DNAJC1: variants seen among roughly 807,000 people sequenced by gnomAD.
DNAJC1 encodes dnaJ homolog subfamily C member 1.
In DNAJC1, 58 loss-of-function variants were observed where a neutral mutation model predicts 76.6. That is an observed-to-expected ratio of 0.76 (90% CI 0.61 to 0.94). The LOEUF (loss-of-function observed/expected upper bound fraction) is 0.94. Among genes scored for constraint, DNAJC1 ranks in the 40% least tolerant of loss-of-function variants. The probability of loss-of-function intolerance (pLI) is 0.00; values close to 1 mark genes in which losing one functional copy is unlikely to be tolerated. For missense variants in DNAJC1, 689 were observed against 677.3 expected (o/e 1.02, Z -0.19); for synonymous variants, 258 against 267.9 (o/e 0.96, Z 0.36).
chr10:21,799,216 A>G (rs1446116005), intron 9 of DNAJC1, among the ~76,000 whole-genome samples: 1 of 152,198 alleles, frequency 6.6e-6, no homozygotes, highest in Non-Finnish European at 1.5e-5. Context: ...TCTGTAGTAT[A>G]ATTAAATTTA....
chr10:21,901,962 T>G (rs1836662646), intron 7 of DNAJC1, among the ~76,000 whole-genome samples: 1 of 152,210 alleles, frequency 6.6e-6, no homozygotes. Flanking sequence ...TTAATAAAAT[T>G]AATTAAAATA....
At chr10:21,975,390 G>A (rs1308792408) in intron 1 of DNAJC1, among the ~76,000 whole-genome samples, 1 of 152,154 alleles carries the variant, frequency 6.6e-6, no homozygotes, top group Non-Finnish European at 1.5e-5. Flanking sequence ...GGAATTATTA[G>A]GGAGGTATAT....
intron 8 of DNAJC1, among the ~76,000 whole-genome samples, chr10:21,859,874 C>G (rs1210128812): frequency 6.6e-6 from 1 of 152,042 alleles, no homozygotes; most frequent in Non-Finnish European, 1.5e-5. Flanking sequence ...ACTTCCACCT[C>G]CCGGGTTCAA....
chr10:21,919,459 T>C (rs767173420), intron 5 of DNAJC1, among the ~76,000 whole-genome samples: 25 of 151,992 alleles, frequency 1.6e-4, no homozygotes, highest in Non-Finnish European at 1.2e-4. Flanking sequence ...TATGAATCAA[T>C]AGAAGAAATG....
chr10:21,865,918 T>A (rs917461541), intron 8 of DNAJC1: 3 of 151,956 alleles, frequency 2.0e-5, no homozygotes, highest in Admixed American at 6.6e-5. Flanking sequence ...ATGGATCACC[T>A]GAGGTCAGGA....
chr10:21,776,959 G>A (rs911021967), intron 9 of DNAJC1, among the ~76,000 whole-genome samples: 2 of 152,052 alleles, frequency 1.3e-5, no homozygotes, highest in African/African-American at 4.8e-5. Context: ...ACACAAGGAG[G>A]CAATTTTAAA....
chr10:21,909,862 C>G (rs1293285130), intron 6 of DNAJC1, among the ~76,000 whole-genome samples: 2 of 152,184 alleles, frequency 1.3e-5, no homozygotes, highest in African/African-American at 4.8e-5. Flanking sequence ...GTTAGGTAGA[C>G]CAGAATGCCC....
intron 7 of DNAJC1, among the ~76,000 whole-genome samples, chr10:21,885,918 G>T (rs534449702): frequency 7.1e-4 from 108 of 151,932 alleles, no homozygotes; most frequent in African/African-American, 2.0e-3. Flanking sequence ...ACATCACAAC[G>T]GAAAGAATTA....
intron 1 of DNAJC1, among the ~76,000 whole-genome samples, chr10:21,997,907 T>G (rs1838445304): frequency 6.6e-6 from 1 of 152,180 alleles, no homozygotes; most frequent in Non-Finnish European, 1.5e-5. Flanking sequence ...TAGAAGTCTG[T>G]AATGACTGAC....
At chr10:21,904,387 G>C (rs1438127369) in intron 7 of DNAJC1, 135 bp downstream of exon 7, 27 of 487,654 alleles carry the variant, frequency 5.5e-5, no homozygotes, top group Non-Finnish European at 9.4e-5. Flanking sequence ...TTAAGTACAA[G>C]TGACTCCACT....
chr10:21,868,031 G>A (rs1243739483), intron 8 of DNAJC1, among the ~76,000 whole-genome samples: 2 of 124,898 alleles, frequency 1.6e-5, no homozygotes, highest in African/African-American at 6.1e-5. Context: ...TGAGAAGATC[G>A]CGCCACTGCA....
intron 8 of DNAJC1, among the ~76,000 whole-genome samples, chr10:21,849,857 A>G (rs1364222703): frequency 2.6e-5 from 4 of 151,186 alleles, no homozygotes; most frequent in Non-Finnish European, 4.4e-5. Flanking sequence ...GATAAAAGGG[A>G]AAAAAAAACC....
intron 6 of DNAJC1, among the ~76,000 whole-genome samples, chr10:21,911,249 G>A (rs2131755366): frequency 6.6e-6 from 1 of 152,136 alleles, no homozygotes; most frequent in Admixed American, 6.5e-5. Context: ...TTCATTGTTT[G>A]ATAGCCCAAA....
At position 21,904,585 on chromosome 10, in the gene DNAJC1, T is replaced by C; in HGVS notation, c.757A>G (p.Lys253Glu). The change falls in exon 7 of 12, where the codon AAA (lysine) becomes GAA (glutamate). Residue 253 changes from lysine to glutamate, a missense_variant. Coordinates refer to ENST00000376980, the MANE Select transcript of DNAJC1 (RefSeq NM_022365.4). ...TCCTTTTCCTTCAATCTTGTTTCTT[T>C]ATATTTAGCATAAAACTGCCCAGCA... Reference protein sequence around the residue: ...QDAGQFYAKYKETRLKEKEDA... With the variant: ...QDAGQFYAKYEETRLKEKEDA... 1 of 1,607,030 alleles carries C rather than the reference T, an allele frequency of 6.2e-7. No homozygotes were observed. Among genetic ancestry groups the C allele is most frequent in the Non-Finnish European group, 8.5e-7 (1 of 1,176,962 alleles).
chr10:21,922,330 T>C (rs1002016560), intron 3 of DNAJC1, among the ~76,000 whole-genome samples: 5 of 152,010 alleles, frequency 3.3e-5, no homozygotes, highest in African/African-American at 1.2e-4. Context: ...AAATGTAAAA[T>C]ATATTTTATT....
chr10:21,852,068 T>TA (rs1034392129), intron 8 of DNAJC1, among the ~76,000 whole-genome samples: 4 of 115,970 alleles, frequency 3.4e-5, no homozygotes, highest in South Asian at 2.8e-4. Flanking sequence ...AAATAAAAAA[T>TA]AAAAAAAATA....
chr10:21,890,421 CAA>C (rs1007952107), intron 7 of DNAJC1, among the ~76,000 whole-genome samples: 36 of 52,684 alleles, frequency 6.8e-4, no homozygotes, highest in Admixed American at 6.9e-4. Context: ...TCCCCCCCTA[CAA>C]AAAAAAAAAA....
At chr10:21,813,683 C>T (rs1471616836) in intron 8 of DNAJC1, among the ~76,000 whole-genome samples, 1 of 152,182 alleles carries the variant, frequency 6.6e-6, no homozygotes, top group Non-Finnish European at 1.5e-5. Context: ...CCACTGCGCC[C>T]AGCCAGGGCA....
chr10:21,832,421 C>T (rs1835373055), intron 8 of DNAJC1, among the ~76,000 whole-genome samples: 1 of 152,194 alleles, frequency 6.6e-6, no homozygotes, highest in Non-Finnish European at 1.5e-5. Flanking sequence ...CTGAATGTTT[C>T]CTGATGTATG....
Sources: gnomAD v4.1 joint callset for allele counts (sites outside exome capture counted in the v4.1 genomes callset) on GRCh38, gnomAD v4.1.1 for gene constraint, MANE v1.5 for transcripts, NCBI Gene and HGNC (gene_info 2026-07-23, HGNC 2026-07-21) for gene names.